TXK: variants seen among roughly 807,000 people sequenced by gnomAD.
The protein encoded by TXK is tyrosine-protein kinase TXK.
In TXK, 60 loss-of-function variants were observed where a neutral mutation model predicts 81.0. That is an observed-to-expected ratio of 0.74 (90% confidence interval 0.60 to 0.92). The LOEUF is 0.92. Ranked by LOEUF, TXK falls within the 40% of genes least tolerant of loss-of-function variation. The probability of loss-of-function intolerance (pLI) is 0.00; values close to 1 mark genes in which losing one functional copy is unlikely to be tolerated. For synonymous variants in TXK, 203 were observed against 210.7 expected (o/e 0.96, Z 0.32); for missense variants, 581 against 638.3 (o/e 0.91, Z 0.97).
intron 10 of TXK, 60 bp downstream of exon 10, chr4:48,086,406 T>G: frequency 6.4e-7 from 1 of 1,568,200 alleles, no homozygotes; most frequent in Non-Finnish European, 8.7e-7. Context: ...CCAAAGCTCA[T>G]GTTGTTTCCA....
At chr4:48,116,689 G>A (rs1246600077) in intron 1 of TXK, among the ~76,000 whole-genome samples, 1 of 152,120 alleles carries the variant, frequency 6.6e-6, no homozygotes, top group African/African-American at 2.4e-5. Context: ...AAAATCAGGA[G>A]GATAAATATC....
At chr4:48,089,526 G>A (rs1339391902) in intron 9 of TXK, 1 of 360,940 alleles carries the variant, frequency 2.8e-6, no homozygotes, top group Non-Finnish European at 5.4e-6. Flanking sequence ...AAGTAGCTGG[G>A]ATTACAGGCA....
At chr4:48,106,688 T>A (rs1256281456) in intron 5 of TXK, among the ~76,000 whole-genome samples, 1 of 152,188 alleles carries the variant, frequency 6.6e-6, no homozygotes, top group Non-Finnish European at 1.5e-5. Flanking sequence ...CTGCTTCTCT[T>A]AGTAAATGAC....
At chr4:48,069,997 T>C (rs1315141541) in intron 14 of TXK, among the ~76,000 whole-genome samples, 1 of 152,234 alleles carries the variant, frequency 6.6e-6, no homozygotes, top group Non-Finnish European at 1.5e-5. Context: ...AGTTAATATA[T>C]GTAAAATATT....
rs187963755 is a variant in TXK, at chr4:48,101,600, A to G, written c.501+3301T>C. ...CAGGTGTATTTTTAAAATAAAAATTAGAAAATATATAAATTAGAAAAACAT... is the reference window on the plus strand; with the variant it reads ...CAGGTGTATTTTTAAAATAAAAATTGGAAAATATATAAATTAGAAAAACAT... On this transcript the variant is annotated intron_variant, in intron 6 of 14. Coordinates refer to ENST00000264316, the MANE Select transcript of TXK (RefSeq NM_003328.3). Among the ~76,000 whole-genome samples, 289 of 152,192 alleles carry G rather than the reference A, an allele frequency of 1.9e-3. 1 individual carries two copies. Among genetic ancestry groups the G allele is most frequent in the African/African-American group, 6.1e-3 (254 of 41,572 alleles).
intron 9 of TXK, among the ~76,000 whole-genome samples, chr4:48,087,439 TTA>T (rs1435874035): frequency 5.3e-5 from 8 of 150,504 alleles, no homozygotes; most frequent in East Asian, 1.9e-4. Context: ...ATTATTATTA[TTA>T]TTTTTTTTTT....
Position 48,079,989 on chromosome 4 carries a change from T to C in TXK, c.1096A>G (p.Met366Val), listed in dbSNP as rs1717232158. Reference sequence around the variant, plus strand: ...ATATCCTGGCATACACTCAGTAGCATTTCCTTCCTAAGCTTTCCTTTATTC... The same window carrying C: ...ATATCCTGGCATACACTCAGTAGCACTTCCTTCCTAAGCTTTCCTTTATTC... ...RENKGKLRKEMLLSVCQDICE... is the reference protein window; with the variant it reads ...RENKGKLRKEVLLSVCQDICE... Residue 366 changes from methionine to valine, a missense_variant, in exon 11 of 15, where the codon ATG becomes GTG. Coordinates refer to ENST00000264316, the MANE Select transcript of TXK (RefSeq NM_003328.3). The C allele has an allele frequency of 6.2e-7, 1 of 1,614,102 alleles. No individual in the cohort carries two copies. The highest frequency in any genetic ancestry group is 8.5e-7 in the Non-Finnish European group (1 of 1,179,998).
chr4:48,110,169 T>C (rs1369636088), intron 5 of TXK, among the ~76,000 whole-genome samples: 1 of 152,172 alleles, frequency 6.6e-6, no homozygotes, highest in East Asian at 1.9e-4. Flanking sequence ...TTCTAAAACA[T>C]ATAAAAACAT....
intron 8 of TXK, among the ~76,000 whole-genome samples, chr4:48,093,215 T>C (rs1273486900): frequency 1.3e-5 from 2 of 152,218 alleles, no homozygotes; most frequent in Non-Finnish European, 1.5e-5. Context: ...CACAAGTGGA[T>C]AAAAATGTCC....
rs150368875 is a variant in TXK at position 48,072,669 on chromosome 4, T to C, written c.1358-995A>G. 5.3e-3 allele frequency among the ~76,000 whole-genome samples: 804 copies of C among 152,336 alleles called. 8 individuals carry two copies. Among genetic ancestry groups the C allele is most frequent in the African/African-American group, 0.019 (777 of 41,584 alleles). ...TGCTGGGGCCTGGAGATTTTATAAGTGTGAGATCAATCCATGTGCCTAAGG... is the reference window on the plus strand; with the variant it reads ...TGCTGGGGCCTGGAGATTTTATAAGCGTGAGATCAATCCATGTGCCTAAGG... On this transcript the variant is annotated intron_variant, in intron 13 of 14. Transcript: ENST00000264316.
rs546330194 is a variant in TXK at position 48,070,445 on chromosome 4, T to C, written c.1515+1072A>G. ...CAGATGAAACCCATTACTATTAGCG[T>C]TGGAAAAGCAAGACAAAGCAAAGTT... On this transcript the variant is annotated intron_variant, in intron 14 of 14. Transcript: ENST00000264316. Among the ~76,000 whole-genome samples, 7 of 152,280 alleles carry C rather than the reference T, an allele frequency of 4.6e-5. No homozygotes were observed. In the East Asian group the frequency reaches 1.3e-3, roughly 29 times the overall value.
chr4:48,111,094 C>T (rs1482360879), intron 4 of TXK, among the ~76,000 whole-genome samples: 4 of 152,228 alleles, frequency 2.6e-5, no homozygotes, highest in Non-Finnish European at 5.9e-5. Context: ...TGCTAAGTCA[C>T]GGGATATGTA....
chr4:48,101,082 A>G lies in TXK; in HGVS notation c.501+3819T>C, dbSNP rs142662974. Among the ~76,000 whole-genome samples, 426 of 152,242 alleles carry G rather than the reference A, an allele frequency of 2.8e-3. 4 individuals are homozygous for G. The highest frequency in any genetic ancestry group is 9.9e-3 in the African/African-American group (411 of 41,574). On this transcript the variant is annotated intron_variant, in intron 6 of 14. Transcript: ENST00000264316. ...GGGTAGGGAAATTGGTGGCTTGCAG[A>G]CAAGATGGAAGAAAACTTTCCAAAA...
chr4:48,111,532 G>A (rs1019035484), intron 4 of TXK, among the ~76,000 whole-genome samples: 4 of 152,144 alleles, frequency 2.6e-5, no homozygotes, highest in South Asian at 2.1e-4. Flanking sequence ...TAGTATACCC[G>A]CAGGTGTGGC....
chr4:48,101,436 T>C (rs1718189394), intron 6 of TXK, among the ~76,000 whole-genome samples: 1 of 152,088 alleles, frequency 6.6e-6, no homozygotes, highest in South Asian at 2.1e-4. Context: ...AATGTAACCT[T>C]TATACTAAAA....
intron 1 of TXK, among the ~76,000 whole-genome samples, chr4:48,128,094 C>A (rs1719141244): frequency 6.6e-6 from 1 of 152,226 alleles, no homozygotes; most frequent in Non-Finnish European, 1.5e-5. Flanking sequence ...GTCGCTTCCT[C>A]ATGTCTAATG....
At chr4:48,112,775 C>CA (rs1718676923) in intron 3 of TXK, among the ~76,000 whole-genome samples, 1 of 151,962 alleles carries the variant, frequency 6.6e-6, no homozygotes, top group Non-Finnish European at 1.5e-5. Flanking sequence ...TCAAAATTTT[C>CA]AAAAGATGAT....
chr4:48,094,022 T>G, intron 8 of TXK, 55 bp downstream of exon 8: 1 of 1,608,462 alleles, frequency 6.2e-7, no homozygotes, highest in East Asian at 2.2e-5. Flanking sequence ...CAAAGATGCA[T>G]TGCCCATCAA....
chr4:48,072,283 G>A (rs1313887314), intron 13 of TXK, among the ~76,000 whole-genome samples: 2 of 152,072 alleles, frequency 1.3e-5, no homozygotes, highest in South Asian at 2.1e-4. Context: ...AATTACAAAC[G>A]TAAGCCATCA....
Sources: gnomAD v4.1 joint callset for allele counts (sites outside exome capture counted in the v4.1 genomes callset) on GRCh38, gnomAD v4.1.1 for gene constraint, MANE v1.5 for transcripts, NCBI Gene and HGNC (gene_info 2026-07-23, HGNC 2026-07-21) for gene names.